Variants in PTTG1IP2 observed in about 807,000 individuals in gnomAD.
PTTG1IP2 encodes PTTG1IP family member 2.
intron 6 of PTTG1IP2, among the ~76,000 whole-genome samples, chr7:90,503,823 T>G (rs1798087466): frequency 6.6e-6 from 1 of 152,128 alleles, no homozygotes; most frequent in South Asian, 2.1e-4. Flanking sequence ...TGAAATATTG[T>G]GAGGATTACC....
chr7:90,486,263 AC>A (rs1797874112), intron 2 of PTTG1IP2, among the ~76,000 whole-genome samples: 1 of 152,100 alleles, frequency 6.6e-6, no homozygotes, highest in African/African-American at 2.4e-5. Context: ...TCCCCTATTT[AC>A]TAGGTATGCA....
At chr7:90,500,110 G>A (rs1798045615) in intron 6 of PTTG1IP2, among the ~76,000 whole-genome samples, 1 of 151,982 alleles carries the variant, frequency 6.6e-6, no homozygotes, top group South Asian at 2.1e-4. Flanking sequence ...GCTACTTGGA[G>A]GCTGAGATGG....
intron 4 of PTTG1IP2, 37 bp from the exon 5 acceptor site, chr7:90,492,200 CTG>C (rs1797946612): frequency 6.6e-6 from 1 of 152,134 alleles, no homozygotes; most frequent in South Asian, 2.1e-4. Flanking sequence ...ATAACTTGTA[CTG>C]TTCTGAAAAT....
At chr7:90,500,786 G>A (rs560184587) in intron 6 of PTTG1IP2, among the ~76,000 whole-genome samples, 8 of 152,310 alleles carry the variant, frequency 5.3e-5, no homozygotes, top group African/African-American at 1.7e-4. Context: ...GGCTGCATTG[G>A]CTAGGGCAAT....
Position 90,469,938 on chromosome 7 carries a change from G to A in PTTG1IP2, c.145+7G>A, listed in dbSNP as rs1031744240. On this transcript the variant is annotated splice_region_variant and intron_variant, in intron 1 of 6. Transcript: ENST00000509356. The stretch of plus-strand genomic sequence containing the variant: ...AGAGATGGGAATGAAGAGGGTGAGT[G>A]ATCTGGAGTCCTGAGGTGGGTGCCC... The A allele has an allele frequency of 6.6e-6, 1 of 152,666 alleles. No individual in the cohort carries two copies. Among genetic ancestry groups the A allele is most frequent in the South Asian group, 2.1e-4 (1 of 4,832 alleles). 9.5% of individuals were successfully genotyped at this position (152,666 alleles called of 1,614,324 possible).
intron 6 of PTTG1IP2, among the ~76,000 whole-genome samples, chr7:90,507,949 T>C (rs1221079318): frequency 6.6e-6 from 1 of 152,018 alleles, no homozygotes; most frequent in African/African-American, 2.4e-5. Context: ...TTGAGATAAG[T>C]ATAAGTTTAG....
chr7:90,471,878 T>C (rs575780482), intron 1 of PTTG1IP2, among the ~76,000 whole-genome samples: 13 of 152,072 alleles, frequency 8.5e-5, no homozygotes, highest in African/African-American at 3.1e-4. Flanking sequence ...ACAAGCTGGA[T>C]TTGAGGGTGG....
chr7:90,493,353 G>A (rs556125691), intron 5 of PTTG1IP2, among the ~76,000 whole-genome samples: 11 of 152,170 alleles, frequency 7.2e-5, no homozygotes, highest in Non-Finnish European at 1.5e-4. Context: ...TTGTTTGGGT[G>A]ATAATTGGAT....
chr7:90,500,641 G>A (rs920321628), intron 6 of PTTG1IP2, among the ~76,000 whole-genome samples: 7 of 152,190 alleles, frequency 4.6e-5, no homozygotes, highest in African/African-American at 1.4e-4. Flanking sequence ...GGAGGCCTCA[G>A]TCAATCTTAT....
At chr7:90,475,702 T>C (rs1465434484) in intron 1 of PTTG1IP2, among the ~76,000 whole-genome samples, 1 of 152,196 alleles carries the variant, frequency 6.6e-6, no homozygotes, top group East Asian at 1.9e-4. Flanking sequence ...GGCTCACGCC[T>C]GTAATCCCAG....
chr7:90,491,360 C>T (rs6966040), intron 4 of PTTG1IP2, among the ~76,000 whole-genome samples: 60,369 of 152,062 alleles, frequency 0.4, 12,998 homozygotes, highest in Non-Finnish European at 0.5. Context: ...TGCTGGCTCA[C>T]GCCCGTAATC....
intron 2 of PTTG1IP2, among the ~76,000 whole-genome samples, chr7:90,484,413 TA>T (rs1223091597): frequency 6.6e-6 from 1 of 152,158 alleles, no homozygotes; most frequent in African/African-American, 2.4e-5. Context: ...AGCTCTACCC[TA>T]AAATGAGTAC....
In PTTG1IP2 at chr7:90,500,299, G is replaced by T. The variant is rs17869717; in HGVS notation, c.*50+5869G>T. 5.4e-3 allele frequency among the ~76,000 whole-genome samples: 824 copies of T among 152,246 alleles called. 10 individuals carry two copies. The highest frequency in any genetic ancestry group is 0.019 in the African/African-American group (788 of 41,550). On this transcript the variant is annotated intron_variant, in intron 6 of 6. Transcript: ENST00000509356. ...GAATATTTTGAAAGGTTAGAATAAG[G>T]CATTGAAACACACTAACACAAATTA...
At chr7:90,490,278 A>C (rs1584695539) in intron 4 of PTTG1IP2, among the ~76,000 whole-genome samples, 1 of 152,012 alleles carries the variant, frequency 6.6e-6, no homozygotes, top group Non-Finnish European at 1.5e-5. Flanking sequence ...TCCCAGTATG[A>C]TATTATTTTC....
intron 6 of PTTG1IP2, among the ~76,000 whole-genome samples, chr7:90,495,673 C>T (rs12704543): frequency 0.4 from 61,441 of 152,022 alleles, 13,338 homozygotes; most frequent in Non-Finnish European, 0.51. Context: ...ACAGAGCCTC[C>T]TGGAGAATCT....
intron 2 of PTTG1IP2, among the ~76,000 whole-genome samples, chr7:90,486,402 G>A (rs1377205571): frequency 2.0e-5 from 3 of 150,496 alleles, no homozygotes; most frequent in Non-Finnish European, 3.0e-5. Flanking sequence ...AAAGGACTTA[G>A]AATATAGTAC....
At chr7:90,505,254 C>T (rs1395637847) in intron 6 of PTTG1IP2, among the ~76,000 whole-genome samples, 4 of 152,188 alleles carry the variant, frequency 2.6e-5, no homozygotes, top group Non-Finnish European at 4.4e-5. Flanking sequence ...ATATTTTCTA[C>T]ATCCAACTTG....
At chr7:90,475,075 C>T (rs893030622) in intron 1 of PTTG1IP2, among the ~76,000 whole-genome samples, 2 of 152,192 alleles carry the variant, frequency 1.3e-5, no homozygotes, top group African/African-American at 4.8e-5. Context: ...CACCAAATCT[C>T]CTGCCCCCAA....
chr7:90,478,444 A>G (rs531230226), intron 1 of PTTG1IP2, among the ~76,000 whole-genome samples: 49 of 152,318 alleles, frequency 3.2e-4, no homozygotes, highest in African/African-American at 9.9e-4. Flanking sequence ...GTAACATTCA[A>G]TAGGACTTAA....
Sources: allele counts gnomAD v4.1 joint callset (sites outside exome capture counted in the v4.1 genomes callset), GRCh38; gene constraint gnomAD v4.1.1; transcripts MANE v1.5; gene names NCBI Gene and HGNC (gene_info 2026-07-23, HGNC 2026-07-21).